VPS35L: variants seen among roughly 807,000 people sequenced by gnomAD.
The protein encoded by VPS35L is VPS35 endosomal protein-sorting factor-like.
Under a neutral mutation model 133.0 loss-of-function variants are expected in VPS35L, and 83 were observed. The ratio of observed to expected loss-of-function variants is 0.62; its 90% CI spans 0.52 to 0.75. The LOEUF is 0.75. VPS35L is among the 30% of genes least tolerant of loss of function. VPS35L has a pLI of 0.00. For missense variants in VPS35L, 1,083 were observed against 1,206.8 expected (o/e 0.90, Z 1.52); for synonymous variants, 423 against 449.9 (o/e 0.94, Z 0.76).
At chr16:19,596,168 G>T (rs1305470547) in intron 8 of VPS35L, among the ~76,000 whole-genome samples, 2 of 152,148 alleles carry the variant, frequency 1.3e-5, no homozygotes, top group Non-Finnish European at 2.9e-5. Context: ...AAAGTAGCTT[G>T]CCCAGGGTCA....
At chr16:19,608,494 C>T in intron 10 of VPS35L, 1 of 511,394 alleles carries the variant, frequency 2.0e-6, no homozygotes, top group East Asian at 3.1e-5. Flanking sequence ...AATACGATGC[C>T]ATGTGTCAAG....
In VPS35L at chr16:19,642,338, A is replaced by G. The variant is rs184608545; in HGVS notation, c.1785-58A>G. ...TGTACAGTGGATGAAAACTGAATCCACTCTTGCAGTGCTGTCAGTGGACAA... is the reference window on the plus strand; with the variant it reads ...TGTACAGTGGATGAAAACTGAATCCGCTCTTGCAGTGCTGTCAGTGGACAA... On this transcript the variant is annotated intron_variant, in intron 21 of 30. Coordinates refer to ENST00000417362, the MANE Select transcript of VPS35L (RefSeq NM_020314.7). The G allele has an allele frequency of 7.3e-3, 10,590 of 1,455,702 alleles. 51 individuals are homozygous for G. The highest frequency in any genetic ancestry group is 8.9e-3 in the Non-Finnish European group (9,239 of 1,043,688). 90.2% of individuals were successfully genotyped at this position (1,455,702 alleles called of 1,614,324 possible).
intron 26 of VPS35L, among the ~76,000 whole-genome samples, chr16:19,663,669 C>CTTTTTTTTTTTTTT (rs59826351): frequency 1.6e-4 from 10 of 63,920 alleles, no homozygotes; most frequent in African/African-American, 5.7e-4. Flanking sequence ...GCAGTAATTT[C>CTTTTTTTTTTTTTT]TTTTTTTTTT....
chr16:19,606,742 A>G (rs139193263), intron 9 of VPS35L, among the ~76,000 whole-genome samples: 87 of 152,336 alleles, frequency 5.7e-4, no homozygotes, highest in African/African-American at 2.0e-3. Flanking sequence ...TAAAGTAACT[A>G]ACTTCTCCCT....
chr16:19,616,519 T>G (rs573841394), intron 13 of VPS35L, among the ~76,000 whole-genome samples, 167 bp from the exon 14 acceptor site: 87 of 151,942 alleles, frequency 5.7e-4, no homozygotes, highest in African/African-American at 2.0e-3. Context: ...TGAGAAACTT[T>G]CTGTGTTTTT....
chr16:19,677,386 A>G (rs906782544), intron 27 of VPS35L, among the ~76,000 whole-genome samples: 2 of 152,158 alleles, frequency 1.3e-5, no homozygotes, highest in Admixed American at 6.5e-5. Flanking sequence ...CCAGCAAGAA[A>G]AAGTTTTTTA....
At chr16:19,560,259 G>T (rs1476029542) in intron 1 of VPS35L, among the ~76,000 whole-genome samples, 1 of 152,168 alleles carries the variant, frequency 6.6e-6, no homozygotes, top group Non-Finnish European at 1.5e-5. Context: ...TGAGGAAACG[G>T]AGGTAAAGGC....
At chr16:19,611,824 A>T (rs572609809) in intron 12 of VPS35L, 1 of 152,074 alleles carries the variant, frequency 6.6e-6, no homozygotes, top group Non-Finnish European at 1.5e-5. Flanking sequence ...CAACTTTTGA[A>T]TATATTAAAG....
At chr16:19,625,208 CTG>C (rs553156436) in intron 14 of VPS35L, among the ~76,000 whole-genome samples, 10 of 152,282 alleles carry the variant, frequency 6.6e-5, no homozygotes, top group African/African-American at 2.4e-4. Context: ...CCATCACTAA[CTG>C]TGCGACCTTG....
intron 29 of VPS35L, among the ~76,000 whole-genome samples, chr16:19,692,915 A>AT (rs1181993362): frequency 1.3e-4 from 20 of 152,222 alleles, no homozygotes; most frequent in Admixed American, 5.2e-4. Flanking sequence ...AGAGAGTAGG[A>AT]TTTTTTCTGG....
At chr16:19,588,747 C>T (rs1255338289) in intron 7 of VPS35L, among the ~76,000 whole-genome samples, 3 of 152,108 alleles carry the variant, frequency 2.0e-5, no homozygotes, top group Non-Finnish European at 2.9e-5. Context: ...ACTGTGAGCA[C>T]GTTTGGTCAC....
chr16:19,620,806 C>A (rs918780331), intron 14 of VPS35L, among the ~76,000 whole-genome samples: 1 of 151,906 alleles, frequency 6.6e-6, no homozygotes, highest in African/African-American at 2.4e-5. Flanking sequence ...CAAAAATTAG[C>A]CGAGTGTGGT....
At chr16:19,575,523 A>G (rs756181614) in intron 5 of VPS35L, among the ~76,000 whole-genome samples, 44 of 150,958 alleles carry the variant, frequency 2.9e-4, no homozygotes, top group East Asian at 5.9e-4. Flanking sequence ...CCAAGATTGC[A>G]TCATTGCACT....
chr16:19,566,440 G>A lies in VPS35L; in HGVS notation c.117+1490G>A, dbSNP rs1438966236. Among the ~76,000 whole-genome samples the A allele has an allele frequency of 2.0e-5, 3 of 152,152 alleles. No individual in the cohort carries two copies. In the East Asian group the frequency reaches 5.8e-4, roughly 29 times the overall value. ...AAACCCAGGAGGCAGAGGTTGCAGT[G>A]AGCTAAGATCACGCCACTGCCCTCC... On this transcript the variant is annotated intron_variant, in intron 2 of 30. Coordinates refer to ENST00000417362, the MANE Select transcript of VPS35L (RefSeq NM_020314.7).
intron 3 of VPS35L, among the ~76,000 whole-genome samples, chr16:19,570,527 C>T (rs59124591): frequency 0.033 from 5,055 of 152,132 alleles, 269 homozygotes; most frequent in African/African-American, 0.11. Flanking sequence ...AGAATGATGG[C>T]TGTAATGTGT....
chr16:19,652,016 C>T lies in VPS35L; in HGVS notation c.2147C>T (p.Ala716Val), dbSNP rs758482660. Residue 716 changes from alanine (A) to valine (V), a missense_variant, in exon 26 of 31, where the codon GCG becomes GTG. Coordinates refer to ENST00000417362, the MANE Select transcript of VPS35L (RefSeq NM_020314.7). The part of the protein sequence containing the change: ...AYCFITIPSL[A>V]GIFTRLNLYL... ...TGCTTCATCACCATCCCCTCCCTGG[C>T]GGGCATCTTCACACGTCTCAATCTC... 29 of 1,613,354 alleles carry T rather than the reference C, an allele frequency of 1.8e-5. No individual in the cohort carries two copies. The highest frequency in any genetic ancestry group is 8.3e-5 in the Admixed American group (5 of 59,944).
At chr16:19,591,135 A>AT (rs1257149972) in intron 7 of VPS35L, among the ~76,000 whole-genome samples, 1 of 152,070 alleles carries the variant, frequency 6.6e-6, no homozygotes, top group Non-Finnish European at 1.5e-5. Context: ...TTTGGGGGGA[A>AT]TTTGGGACTG....
At position 19,601,203 on chromosome 16, in the gene VPS35L, A is replaced by G. The variant is rs973450284; in HGVS notation, c.725-461A>G. ...CTCGGCTTCCCAAAGTGCTAGGATT[A>G]CAGGTGTGAGCCACTATGCCCAGCC... On this transcript the variant is annotated intron_variant, in intron 8 of 30. Transcript: ENST00000417362. 7.9e-5 allele frequency among the ~76,000 whole-genome samples: 12 copies of G among 152,342 alleles called. No individual in the cohort carries two copies. The East Asian group carries it at 2.1e-3, about 27-fold the overall frequency.
chr16:19,578,095 T>C (rs1025836269), intron 5 of VPS35L, among the ~76,000 whole-genome samples: 1 of 152,188 alleles, frequency 6.6e-6, no homozygotes, highest in Non-Finnish European at 1.5e-5. Context: ...CTGCCTGTTT[T>C]TTAAGTACAG....
Sources: allele counts gnomAD v4.1 joint callset (sites outside exome capture counted in the v4.1 genomes callset), GRCh38; gene constraint gnomAD v4.1.1; transcripts MANE v1.5; gene names NCBI Gene and HGNC (gene_info 2026-07-23, HGNC 2026-07-21).